COL1A1: variants seen among roughly 807,000 people sequenced by gnomAD.
COL1A1 encodes collagen type I alpha 1 chain.
In COL1A1, 21 loss-of-function variants were observed where a neutral mutation model predicts 195.7. That is an observed-to-expected ratio of 0.11 (90% CI 0.08 to 0.15). The LOEUF (loss-of-function observed/expected upper bound fraction) is 0.15, where lower values mean the gene tolerates loss of function less well. Among genes scored for constraint, COL1A1 ranks in the 10% least tolerant of loss-of-function variants. The pLI is 1.00. For synonymous variants in COL1A1, 749 were observed against 747.3 expected, an observed-to-expected ratio of 1.00 and a Z score of -0.04; for missense variants, 1,365 against 2,051.0, an observed-to-expected ratio of 0.67 and a Z score of 6.46.
rs577228743 is a variant in COL1A1, at chr17:50,192,425, C to T, written c.1983+50G>A. The T allele has an allele frequency of 3.2e-6, 5 of 1,555,288 alleles. No homozygotes were observed. The South Asian group carries it at 4.7e-5, about 15-fold the overall frequency. ...ATTAGCTAGGAGCGGGGGCCTGTCC[C>T]TCTGGATTCCCTGCATCTCCCACCC... On this transcript the variant is annotated intron_variant, in intron 29 of 50. Transcript: ENST00000225964.
Position 50,186,031 on chromosome 17 carries a change from G to T in COL1A1, c.4006-11C>A, listed in dbSNP as rs375650769. The T allele has an allele frequency of 3.7e-6, 6 of 1,611,758 alleles. No individual in the cohort carries two copies. The highest frequency in any genetic ancestry group is 5.1e-6 in the Non-Finnish European group (6 of 1,179,912). Reference sequence around the variant, plus strand: ...GCCGCCATACTCGAACTGCAGGGGAGGGGAGAGAGGGAAGAGTGAGCCGCT... The same window carrying T: ...GCCGCCATACTCGAACTGCAGGGGATGGGAGAGAGGGAAGAGTGAGCCGCT... On this transcript the variant is annotated splice_polypyrimidine_tract_variant and intron_variant, in intron 49 of 50. Transcript: ENST00000225964. This position sits in a 1 kb window ranked among gnomAD's most constrained non-coding sequence, Gnocchi z 5.3.
At position 50,199,547 on chromosome 17, in the gene COL1A1, G is replaced by C. The variant is rs1907886247; in HGVS notation, c.333+9C>G. 6.2e-7 allele frequency: 1 copy of C among 1,614,084 alleles called. No individual in the cohort carries two copies. Among genetic ancestry groups the C allele is most frequent in the Non-Finnish European group, 8.5e-7 (1 of 1,180,022 alleles). On this transcript the variant is annotated intron_variant, in intron 3 of 50. Coordinates refer to ENST00000225964, the MANE Select transcript of COL1A1 (RefSeq NM_000088.4). The stretch of plus-strand genomic sequence containing the variant: ...CGCGCAGGGGCAAAATTCGAGGGCA[G>C]GAGATTACCTCGACGCCGGTGGTTT...
chr17:50,194,304 A>T lies in COL1A1; in HGVS notation c.1614+45T>A. The T allele has an allele frequency of 1.2e-6, 2 of 1,609,046 alleles. No individual in the cohort carries two copies. The highest frequency in any genetic ancestry group is 1.7e-6 in the Non-Finnish European group (2 of 1,175,742). ...CGCCTCATCCCAGACCCTACACGGG[A>T]TGGTCAGGGCCTGGCCAAGCCAGGC... On this transcript the variant is annotated intron_variant, in intron 23 of 50. Coordinates refer to ENST00000225964, the MANE Select transcript of COL1A1 (RefSeq NM_000088.4). The surrounding 1 kb of genome is among the most constrained non-coding windows in gnomAD (Gnocchi z 6.8).
At chr17:50,201,345 G>A (rs1438682200) in intron 1 of COL1A1, 66 bp downstream of exon 1, 14 of 1,451,656 alleles carry the variant, frequency 9.6e-6, no homozygotes. Flanking sequence ...TTAAGCCGCG[G>A]CCCCCGGGAC....
rs1321978569 is a variant in COL1A1 at position 50,189,727 on chromosome 17, A to G, written c.2619T>C (p.Ala873=). The change falls in exon 38 of 51, where the codon GCT becomes GCC. Residue 873 remains alanine (A), a synonymous_variant. Coordinates refer to ENST00000225964, the MANE Select transcript of COL1A1 (RefSeq NM_000088.4). This position sits in a 1 kb window ranked among gnomAD's most constrained non-coding sequence, Gnocchi z 5.5. The stretch of plus-strand genomic sequence containing the variant: ...GGCCAGCAGCACCAGGGAAACCAGT[A>G]GCACCCTGGAAGGAGAGAACATAGG... ...GARGSAGPPG[A]TGFPGAAGRV... is the part of the protein sequence containing the mutation. 1.2e-6 allele frequency: 2 copies of G among 1,614,074 alleles called. No individual in the cohort carries two copies. Among genetic ancestry groups the G allele is most frequent in the South Asian group, 2.2e-5 (2 of 91,074 alleles).
intron 25 of COL1A1, 143 bp downstream of exon 25, chr17:50,193,800 A>T: frequency 1.3e-6 from 1 of 782,894 alleles, no homozygotes; most frequent in South Asian, 1.5e-5. Context: ...TTCATTTTAC[A>T]GATAGGGAGG....
At position 50,200,103 on chromosome 17, in the gene COL1A1, A is replaced by G. The variant is rs569451153; in HGVS notation, c.104-156T>C. ...ATCCTTAAAAGCTCGCCTGCTCCTC[A>G]TCAGCGCGGGTGACAGCGCCGAGGC... On this transcript the variant is annotated intron_variant, in intron 1 of 50. Coordinates refer to ENST00000225964, the MANE Select transcript of COL1A1 (RefSeq NM_000088.4). The G allele has an allele frequency of 3.1e-4, 256 of 819,388 alleles. No homozygotes were observed. In the East Asian group the frequency reaches 5.8e-3, roughly 19 times the overall value. The allele number at this position is 819,388 out of a possible 1,614,324, so 50.8% of individuals were successfully genotyped here. A position where few individuals can be genotyped will look rare whatever the true frequency, so the allele number is the denominator to read the frequency against.
chr17:50,199,991 C>T (rs1246161958), intron 1 of COL1A1, 44 bp from the exon 2 acceptor site: 19 of 1,598,396 alleles, frequency 1.2e-5, no homozygotes, highest in Non-Finnish European at 1.6e-5. Flanking sequence ...TGACTGCAAC[C>T]CCCAGCTTAA....
chr17:50,200,871 A>G (rs1466958609), intron 1 of COL1A1, among the ~76,000 whole-genome samples: 2 of 152,162 alleles, frequency 1.3e-5, no homozygotes. Context: ...CGCAGTGCTC[A>G]GCATCGGTCA....
rs2075557 is a variant in COL1A1, at chr17:50,191,082, G to T, written c.2236-158C>A. ...GATTCTTTCAGGAAAAAGGGTGCCTGCCTGGAGACTCAGGTGGAACTGAGG... is the reference window on the plus strand; with the variant it reads ...GATTCTTTCAGGAAAAAGGGTGCCTTCCTGGAGACTCAGGTGGAACTGAGG... On this transcript the variant is annotated intron_variant, in intron 32 of 50. Transcript: ENST00000225964. 0.14 allele frequency among the ~76,000 whole-genome samples: 20,825 copies of T among 152,034 alleles called. 1,616 individuals carry two copies. The highest frequency in any genetic ancestry group is 0.34 in the East Asian group (1,761 of 5,124).
In COL1A1 at chr17:50,188,472, G is replaced by A; in HGVS notation, c.3207+58C>T. ...CGACACCCATCCCCAGGCCTCTAAG[G>A]AGGCCTGAAGAGTCCCTGGCCTGAC... On this transcript the variant is annotated intron_variant, in intron 43 of 50. Coordinates refer to ENST00000225964, the MANE Select transcript of COL1A1 (RefSeq NM_000088.4). This position sits in a 1 kb window ranked among gnomAD's most constrained non-coding sequence, Gnocchi z 5.6. 5.3e-6 allele frequency: 8 copies of A among 1,523,388 alleles called. No individual in the cohort carries two copies. The South Asian group carries it at 9.0e-5, about 17-fold the overall frequency. The allele number at this position is 1,523,388 out of a possible 1,614,324, so 94.4% of individuals were successfully genotyped here.
In COL1A1 at chr17:50,195,206, G is replaced by A. The variant is rs1172445194; in HGVS notation, c.1299+26C>T. On this transcript the variant is annotated intron_variant, in intron 19 of 50. Coordinates refer to ENST00000225964, the MANE Select transcript of COL1A1 (RefSeq NM_000088.4). The surrounding 1 kb of genome is among the most constrained non-coding windows in gnomAD (Gnocchi z 4.3). ...CGCACTGGAGCCAGTGCATGGGGTGGGCAGAAGGGAGAGTTTGGTACTCAC... is the reference window on the plus strand; with the variant it reads ...CGCACTGGAGCCAGTGCATGGGGTGAGCAGAAGGGAGAGTTTGGTACTCAC... The A allele has an allele frequency of 6.2e-7, 1 of 1,609,900 alleles. No individual in the cohort carries two copies. The highest frequency in any genetic ancestry group is 1.1e-5 in the South Asian group (1 of 90,936).
chr17:50,196,291 C>A (rs1417207536), intron 14 of COL1A1, 23 bp downstream of exon 14: 1 of 1,607,704 alleles, frequency 6.2e-7, no homozygotes, highest in Non-Finnish European at 8.5e-7. Flanking sequence ...TCAGGGATCC[C>A]CCAAGGGGCC....
In COL1A1 at chr17:50,188,734, C is replaced by T; in HGVS notation, c.3099+8G>A. 1 of 1,614,046 alleles carries T rather than the reference C, an allele frequency of 6.2e-7. No individual in the cohort carries two copies. Among genetic ancestry groups the T allele is most frequent in the Non-Finnish European group, 8.5e-7 (1 of 1,179,966 alleles). On this transcript the variant is annotated splice_region_variant and intron_variant, in intron 42 of 50. Coordinates refer to ENST00000225964, the MANE Select transcript of COL1A1 (RefSeq NM_000088.4). The surrounding 1 kb of genome is among the most constrained non-coding windows in gnomAD (Gnocchi z 5.6). ...CAAGGCTGTGGTCATGGAGTGTTGC[C>T]ATCTTACCTTGGCGCCAGGAGAACC...
intron 1 of COL1A1, 178 bp from the exon 2 acceptor site, chr17:50,200,125 A>G (rs1328167230): frequency 1.4e-6 from 1 of 701,648 alleles, no homozygotes; most frequent in Non-Finnish European, 2.5e-6. Context: ...GACAGCGCCG[A>G]GGCGCCTGGC....
At chr17:50,193,169 C>G (rs968580225) in intron 25 of COL1A1, 122 bp from the exon 26 acceptor site, 7 of 996,866 alleles carry the variant, frequency 7.0e-6, no homozygotes, top group African/African-American at 6.4e-5. Flanking sequence ...CTGTTTGGCC[C>G]CCGGGGAATG....
rs188965488 is a variant in COL1A1, at chr17:50,191,516, G to A, written c.2128-26C>T. The A allele has an allele frequency of 4.2e-5, 67 of 1,609,584 alleles. No homozygotes were observed. The East Asian group carries it at 1.2e-3, about 28-fold the overall frequency. On this transcript the variant is annotated intron_variant, in intron 31 of 50. Coordinates refer to ENST00000225964, the MANE Select transcript of COL1A1 (RefSeq NM_000088.4). ...CTATGTGACAACCAAGAAGACTGGA[G>A]TGAGGCCTGGGGCCCCAAGAGTGGG...
At position 50,185,276 on chromosome 17, in the gene COL1A1, T is replaced by TTTTTTTTA; in HGVS notation, c.*225_*226insTAAAAAAA. Reference sequence around the variant, plus strand: ...TTTATTCTTTTTTTTTTTTTTTTTTTGGTAAGGTTGAATGCACTTTTGGTT... The same window carrying TTTTTTTTA: ...TTTATTCTTTTTTTTTTTTTTTTTTTTTTTTTTAGGTAAGGTTGAATGCACTTTTGGTT... On this transcript the variant is annotated 3_prime_UTR_variant, in exon 51 of 51. Transcript: ENST00000225964. The TTTTTTTTA allele has an allele frequency of 9.2e-6, 3 of 327,396 alleles. No individual in the cohort carries two copies. Among genetic ancestry groups the TTTTTTTTA allele is most frequent in the Non-Finnish European group, 1.7e-5 (3 of 178,214 alleles). The allele number at this position is 327,396 out of a possible 1,614,324, so 20.3% of individuals were successfully genotyped here.
Position 50,190,972 on chromosome 17 carries a change from G to A in COL1A1, c.2236-48C>T. On this transcript the variant is annotated intron_variant, in intron 32 of 50. Coordinates refer to ENST00000225964, the MANE Select transcript of COL1A1 (RefSeq NM_000088.4). The surrounding 1 kb of genome is among the most constrained non-coding windows in gnomAD (Gnocchi z 4.7). ...GATTTCCAGTGTGGGGCAAGGAGGTGACCTATAGTGTTCTGCTTGTGTCTG... is the reference window on the plus strand; with the variant it reads ...GATTTCCAGTGTGGGGCAAGGAGGTAACCTATAGTGTTCTGCTTGTGTCTG... 6.4e-7 allele frequency: 1 copy of A among 1,556,912 alleles called. No individual in the cohort carries two copies. Among genetic ancestry groups the A allele is most frequent in the Middle Eastern group, 1.7e-4 (1 of 5,952 alleles).
Sources: gnomAD v4.1 joint callset for allele counts (sites outside exome capture counted in the v4.1 genomes callset) on GRCh38, gnomAD v4.1.1 for gene constraint, Gnocchi (gnomAD v3.1) non-coding constraint, MANE v1.5 for transcripts, NCBI Gene and HGNC (gene_info 2026-07-23, HGNC 2026-07-21) for gene names.